Variants in CSMD1 observed in about 807,000 individuals in gnomAD.
The protein encoded by CSMD1 is CUB and Sushi multiple domains 1.
Under a neutral mutation model 417.5 loss-of-function variants are expected in CSMD1, and 213 were observed. That is an observed-to-expected ratio of 0.51 (90% CI 0.46 to 0.57). The LOEUF (loss-of-function observed/expected upper bound fraction) is 0.57. Ranked by LOEUF, CSMD1 falls within the 20% of genes least tolerant of loss-of-function variation. CSMD1 has a pLI of 0.00. For missense variants in CSMD1, 6,923 were observed against 4,529.7 expected (o/e 1.53, Z -15.17); for synonymous variants, 2,862 against 1,736.8 (o/e 1.65, Z -16.11).
intron 3 of CSMD1, among the ~76,000 whole-genome samples, chr8:4,415,210 C>T (rs75060831): frequency 0.028 from 4,299 of 152,162 alleles, 99 homozygotes; most frequent in African/African-American, 0.066. Flanking sequence ...CAGGATCATC[C>T]GCCTCCGCTC....
rs1413361174 is a variant in CSMD1 at position 3,367,054 on chromosome 8, C to T, written c.3093G>A (p.Glu1031=). 2 of 1,613,380 alleles carry T rather than the reference C, an allele frequency of 1.2e-6. No individual in the cohort carries two copies. The highest frequency in any genetic ancestry group is 1.7e-6 in the Non-Finnish European group (2 of 1,179,686). The change falls in exon 20 of 70, where the codon GAG becomes GAA. Residue 1031 remains glutamate (E), a synonymous_variant. Coordinates refer to ENST00000635120, the MANE Select transcript of CSMD1 (RefSeq NM_033225.6). ...RFISDFSISY[E]GFNITFSEYD... is the part of the protein sequence containing the mutation. ...TACCTGAAAATGTGATATTGAAGCC[C>T]TCGTACGAAATTGAGAAGTCTGATA...
intron 1 of CSMD1, among the ~76,000 whole-genome samples, chr8:4,893,299 A>G (rs1484589032): frequency 6.6e-6 from 1 of 152,030 alleles, no homozygotes; most frequent in Non-Finnish European, 1.5e-5. Context: ...GAAGCTCCTT[A>G]TATATTCTGT....
At chr8:4,416,283 T>C (rs112505347) in intron 3 of CSMD1, among the ~76,000 whole-genome samples, 2 of 152,264 alleles carry the variant, frequency 1.3e-5, no homozygotes, top group Non-Finnish European at 1.5e-5. Context: ...TCATAAAGAA[T>C]ACAATTAACT....
At chr8:4,987,355 G>A (rs1236800914) in intron 1 of CSMD1, among the ~76,000 whole-genome samples, 1 of 152,192 alleles carries the variant, frequency 6.6e-6, no homozygotes, top group African/African-American at 2.4e-5. Context: ...AACGGTGACA[G>A]GCGTGTTCAG....
At chr8:3,894,596 G>C (rs1439374625) in intron 5 of CSMD1, among the ~76,000 whole-genome samples, 2 of 151,976 alleles carry the variant, frequency 1.3e-5, no homozygotes, top group Non-Finnish European at 2.9e-5. Context: ...TGTCTGTATG[G>C]GGCTATTTAC....
chr8:4,295,606 A>T (rs1489743279), intron 3 of CSMD1, among the ~76,000 whole-genome samples: 4 of 145,162 alleles, frequency 2.8e-5, no homozygotes, highest in Non-Finnish European at 4.5e-5. Context: ...ATTATATATA[A>T]TCCTAAGATT....
At chr8:4,700,090 C>A (rs903138048) in intron 1 of CSMD1, among the ~76,000 whole-genome samples, 3 of 152,098 alleles carry the variant, frequency 2.0e-5, no homozygotes, top group Non-Finnish European at 4.4e-5. Flanking sequence ...AAGGAGCTCA[C>A]CACAGAGTCA....
rs144884945 is a variant in CSMD1 at position 4,039,819 on chromosome 8, C to G, written c.416-7720G>C. On this transcript the variant is annotated intron_variant, in intron 3 of 69. Coordinates refer to ENST00000635120, the MANE Select transcript of CSMD1 (RefSeq NM_033225.6). ...GCACAGGGAGTTACAGTCATCAGAT[C>G]TGGCATCAAATAGATTTGGGTTTCT... is the stretch of plus-strand genomic sequence containing the variant. 1.0e-3 allele frequency among the ~76,000 whole-genome samples: 155 copies of G among 152,278 alleles called. 1 individual carries two copies. Among genetic ancestry groups the G allele is most frequent in the African/African-American group, 3.7e-3 (152 of 41,576 alleles).
chr8:4,611,731 T>C (rs921260323), intron 2 of CSMD1, among the ~76,000 whole-genome samples: 6 of 152,220 alleles, frequency 3.9e-5, no homozygotes, highest in Non-Finnish European at 7.3e-5. Context: ...TTTATAATTA[T>C]ATATTCTCAT....
At chr8:4,071,831 G>GGGTGGT (rs1403919502) in intron 3 of CSMD1, among the ~76,000 whole-genome samples, 4 of 152,090 alleles carry the variant, frequency 2.6e-5, no homozygotes, top group African/African-American at 9.7e-5. Context: ...TGTTGTGGGG[G>GGGTGGT]GGTGGTGTGC....
intron 1 of CSMD1, among the ~76,000 whole-genome samples, chr8:4,729,811 T>C (rs909384416): frequency 6.6e-6 from 1 of 152,192 alleles, no homozygotes; most frequent in Admixed American, 6.5e-5. Context: ...ATAAAAGTTT[T>C]CCATTGCAAT....
At chr8:3,241,024 A>G (rs139275165) in intron 26 of CSMD1, among the ~76,000 whole-genome samples, 84,026 of 144,970 alleles carry the variant, frequency 0.58, 24,911 homozygotes, top group Admixed American at 0.63. Flanking sequence ...ATGATCGGTC[A>G]CCAAGGAGGG....
intron 20 of CSMD1, among the ~76,000 whole-genome samples, chr8:3,363,177 C>G (rs917112518): frequency 6.6e-6 from 1 of 152,142 alleles, no homozygotes; most frequent in Non-Finnish European, 1.5e-5. Context: ...CCTGTCCATT[C>G]CCTGCTTCAC....
chr8:3,343,995 T>C (rs13254849), intron 22 of CSMD1, among the ~76,000 whole-genome samples: 17,751 of 152,198 alleles, frequency 0.12, 1,439 homozygotes, highest in African/African-American at 0.23. Context: ...ATAACAGAAG[T>C]ATCTCATCAT....
chr8:3,711,453 G>C (rs1215716644), intron 6 of CSMD1, among the ~76,000 whole-genome samples: 1 of 152,156 alleles, frequency 6.6e-6, no homozygotes. Context: ...TCCAGCCCAG[G>C]TCCAACCCCA....
chr8:4,562,944 A>T (rs1029251910), intron 2 of CSMD1, among the ~76,000 whole-genome samples: 4 of 152,206 alleles, frequency 2.6e-5, no homozygotes, highest in African/African-American at 9.6e-5. Context: ...CTACTTTCTT[A>T]AACAGAAGTT....
intron 1 of CSMD1, among the ~76,000 whole-genome samples, chr8:4,899,198 T>C (rs576991827): frequency 1.3e-5 from 2 of 152,326 alleles, no homozygotes; most frequent in African/African-American, 2.4e-5. Context: ...ATATGTCCTA[T>C]CGGAAGAAAC....
At chr8:4,954,391 G>C (rs1808949911) in intron 1 of CSMD1, among the ~76,000 whole-genome samples, 2 of 152,092 alleles carry the variant, frequency 1.3e-5, no homozygotes, top group South Asian at 4.1e-4. Context: ...ATTGTTTTCT[G>C]ATTGAAGCTG....
At chr8:3,349,753 G>T (rs2593608) in intron 21 of CSMD1, among the ~76,000 whole-genome samples, 140,951 of 145,174 alleles carry the variant, frequency 0.97, 68,465 homozygotes, top group Middle Eastern at 1. Context: ...ACTTTATATA[G>T]TTATAGCTAT....
Sources: allele counts gnomAD v4.1 joint callset (sites outside exome capture counted in the v4.1 genomes callset), GRCh38; gene constraint gnomAD v4.1.1; transcripts MANE v1.5; gene names NCBI Gene and HGNC (gene_info 2026-07-23, HGNC 2026-07-21).